Variants in MROH1 observed in about 807,000 individuals in gnomAD.
The protein encoded by MROH1 is maestro heat like repeat family member 1.
In MROH1, 117 loss-of-function variants were observed where a neutral mutation model predicts 116.5. The ratio of observed to expected loss-of-function variants is 1.00; its 90% CI spans 0.86 to 1.17. The LOEUF is 1.17. Ranked by LOEUF, MROH1 falls within the 50% of genes most tolerant of loss-of-function variation. MROH1 has a pLI of 0.00. For missense variants in MROH1, 1,873 were observed against 1,338.5 expected (o/e 1.40, Z -6.23); for synonymous variants, 921 against 583.9 (o/e 1.58, Z -8.32).
At chr8:144,207,604 C>T (rs1833128647) in intron 12 of MROH1, among the ~76,000 whole-genome samples, 1 of 152,118 alleles carries the variant, frequency 6.6e-6, no homozygotes, top group Admixed American at 6.6e-5. Flanking sequence ...CTCCTGGGCT[C>T]AAGCGATCCT....
intron 38 of MROH1, 24 bp from the exon 39 acceptor site, chr8:144,260,162 A>C: frequency 1.3e-6 from 1 of 763,944 alleles, no homozygotes; most frequent in East Asian, 2.4e-5. Flanking sequence ...TCTGGGACCC[A>C]GGCTGAGTGT....
chr8:144,209,143 C>T (rs373351496), intron 12 of MROH1, among the ~76,000 whole-genome samples: 34 of 151,284 alleles, frequency 2.2e-4, no homozygotes, highest in African/African-American at 7.8e-4. Context: ...GTGATCTGCC[C>T]GCCTCAGCCT....
intron 12 of MROH1, among the ~76,000 whole-genome samples, chr8:144,212,838 G>GC (rs1381265331): frequency 6.6e-6 from 1 of 152,046 alleles, no homozygotes; most frequent in Non-Finnish European, 1.5e-5. Flanking sequence ...TGATCCACCT[G>GC]CCCCGGCCTC....
intron 39 of MROH1, 109 bp from the exon 40 acceptor site, chr8:144,260,568 G>GT: frequency 1.3e-6 from 1 of 761,992 alleles, no homozygotes; most frequent in Non-Finnish European, 2.4e-6. Context: ...CCGTCGGGGT[G>GT]TTTCCTGGCC....
intron 4 of MROH1, among the ~76,000 whole-genome samples, chr8:144,172,482 G>T (rs1411916936): frequency 6.6e-5 from 10 of 151,178 alleles, no homozygotes. Flanking sequence ...CGCGATCTCG[G>T]CTCACTGCAA....
rs1588572131 is a variant in MROH1 at position 144,260,765 on chromosome 8, A to G, written c.4469A>G (p.Asp1490Gly). 1 of 778,978 alleles carries G rather than the reference A, an allele frequency of 1.3e-6. No individual in the cohort carries two copies. The highest frequency in any genetic ancestry group is 2.4e-6 in the Non-Finnish European group (1 of 417,792). The allele number at this position is 778,978 out of a possible 1,614,324, so 48.3% of individuals were successfully genotyped here. A position where few individuals can be genotyped will look rare whatever the true frequency, so the allele number is the denominator to read the frequency against. ...CHGDCEDVFL[D>G]QVVGGLAPLL... ...GGAGACTGTGAGGACGTCTTCCTGG[A>G]CCAGGTGGTGGGCGGGCTGGCGCCC... The change falls in exon 40 of 44, where the codon GAC (aspartate) becomes GGC (glycine). Residue 1490 changes from aspartate to glycine, a missense_variant. Asp to Gly is a moderately conservative substitution (Grantham distance 94). Coordinates refer to ENST00000326134, the MANE Select transcript of MROH1 (RefSeq NM_032450.3).
chr8:144,242,193 G>C, intron 22 of MROH1, 176 bp from the exon 23 acceptor site: 1 of 700,728 alleles, frequency 1.4e-6, no homozygotes, highest in South Asian at 1.6e-5. Flanking sequence ...CTTGCAAAGA[G>C]GCTCTCCCCA....
At chr8:144,208,531 C>T (rs1048623454) in intron 12 of MROH1, among the ~76,000 whole-genome samples, 12 of 151,878 alleles carry the variant, frequency 7.9e-5, no homozygotes, top group African/African-American at 2.9e-4. Context: ...AAGGGCCCAC[C>T]CTACTCCAGT....
intron 12 of MROH1, among the ~76,000 whole-genome samples, chr8:144,210,679 ACTC>A (rs1833903483): frequency 3.2e-5 from 2 of 61,968 alleles, no homozygotes; most frequent in African/African-American, 7.2e-5. Context: ...ACAGATGGAG[ACTC>A]TGTCTCTCTC....
intron 12 of MROH1, among the ~76,000 whole-genome samples, chr8:144,204,231 C>G (rs1308287347): frequency 1.3e-5 from 2 of 152,172 alleles, no homozygotes; most frequent in Non-Finnish European, 2.9e-5. Context: ...CCACCTCAGC[C>G]TCCCAAGCAG....
chr8:144,206,191 A>G (rs1179218212), intron 12 of MROH1, among the ~76,000 whole-genome samples: 1 of 152,054 alleles, frequency 6.6e-6, no homozygotes, highest in Non-Finnish European at 1.5e-5. Flanking sequence ...CTGGGACTGC[A>G]GGAGTGTACC....
intron 4 of MROH1, among the ~76,000 whole-genome samples, chr8:144,169,161 C>G (rs1057343232): frequency 1.3e-5 from 2 of 152,188 alleles, no homozygotes; most frequent in African/African-American, 2.4e-5. Context: ...TAGTTTTTCT[C>G]TGTGTGTGTG....
intron 1 of MROH1, among the ~76,000 whole-genome samples, chr8:144,157,877 C>T (rs1394017206): frequency 6.6e-6 from 1 of 150,954 alleles, no homozygotes; most frequent in African/African-American, 2.4e-5. Context: ...GGGGTTTTGC[C>T]ATGTTGCCCA....
At chr8:144,165,413 A>G (rs6987630) in intron 3 of MROH1, among the ~76,000 whole-genome samples, 150,065 of 152,240 alleles carry the variant, frequency 0.99, 73,998 homozygotes, top group East Asian at 1. Flanking sequence ...GCCACCGCGC[A>G]CAGCCCACAC....
At chr8:144,220,057 T>G (rs1350857169) in intron 12 of MROH1, among the ~76,000 whole-genome samples, 2 of 152,208 alleles carry the variant, frequency 1.3e-5, no homozygotes, top group East Asian at 3.8e-4. Context: ...GTCCTTCATT[T>G]TTATAGTCTC....
chr8:144,168,276 C>T lies in MROH1; in HGVS notation c.23-19C>T. 1 of 1,578,610 alleles carries T rather than the reference C, an allele frequency of 6.3e-7. No homozygotes were observed. The highest frequency in any genetic ancestry group is 1.3e-5 in the African/African-American group (1 of 74,502). The stretch of plus-strand genomic sequence containing the variant: ...GGGCGCTTGGGCCTGAGCATGCTAA[C>T]CAGGCTTTGTCGCTGCAGAGCTGGC... On this transcript the variant is annotated intron_variant, in intron 3 of 43. Transcript: ENST00000326134.
chr8:144,205,608 T>C (rs1223753767), intron 12 of MROH1, among the ~76,000 whole-genome samples: 1 of 152,138 alleles, frequency 6.6e-6, no homozygotes, highest in African/African-American at 2.4e-5. Context: ...CAGTGTTGGC[T>C]ATTCTGAGTT....
rs1333460310 is a variant in MROH1, at chr8:144,243,629, G to A, written c.2475+13G>A. 18 of 778,086 alleles carry A rather than the reference G, an allele frequency of 2.3e-5. No homozygotes were observed. The highest frequency in any genetic ancestry group is 3.4e-5 in the Admixed American group (2 of 58,988). 48.2% of individuals were successfully genotyped at this position (778,086 alleles called of 1,614,324 possible). A position where few individuals can be genotyped will look rare whatever the true frequency, so the allele number is the denominator to read the frequency against. ...GGCACAGATGATGGTGAGCGTGGCC[G>A]TGGCCTGGCAGGTCCTCAGGCAGGT... is the stretch of plus-strand genomic sequence containing the variant. On this transcript the variant is annotated intron_variant, in intron 25 of 43. Coordinates refer to ENST00000326134, the MANE Select transcript of MROH1 (RefSeq NM_032450.3).
chr8:144,210,957 A>G (rs1348915581), intron 12 of MROH1, among the ~76,000 whole-genome samples: 2 of 152,088 alleles, frequency 1.3e-5, no homozygotes, highest in Non-Finnish European at 2.9e-5. Flanking sequence ...CATCTTGCAA[A>G]ACTGAAACTC....
Sources: gnomAD v4.1 joint callset for allele counts (sites outside exome capture counted in the v4.1 genomes callset) on GRCh38, gnomAD v4.1.1 for gene constraint, MANE v1.5 for transcripts, NCBI Gene and HGNC (gene_info 2026-07-23, HGNC 2026-07-21) for gene names.